The following SAMD12 variants were observed in gnomAD, a reference collection of about 807,000 sequenced individuals.
The protein encoded by SAMD12 is sterile alpha motif domain-containing protein 12.
Under a neutral mutation model 15.0 loss-of-function variants are expected in SAMD12, and 9 were observed. That is an observed-to-expected ratio of 0.60 (90% confidence interval 0.36 to 1.05). The LOEUF is 1.05. Among genes scored for constraint, SAMD12 ranks in the 50% least tolerant of loss-of-function variants. SAMD12 has a pLI of 0.01. For synonymous variants in SAMD12, 86 were observed against 90.1 expected, an observed-to-expected ratio of 0.96 and a Z score of 0.25; for missense variants, 230 against 234.2, an observed-to-expected ratio of 0.98 and a Z score of 0.12.
intron 4 of SAMD12, among the ~76,000 whole-genome samples, chr8:118,220,009 G>T (rs1476126017): frequency 3.9e-5 from 6 of 152,202 alleles, no homozygotes; most frequent in Non-Finnish European, 7.3e-5. Flanking sequence ...TTACCTGAAT[G>T]ATATCCTTAT....
At chr8:118,548,993 G>C (rs566922778) in intron 2 of SAMD12, among the ~76,000 whole-genome samples, 46 of 152,380 alleles carry the variant, frequency 3.0e-4, no homozygotes, top group African/African-American at 7.9e-4. Flanking sequence ...CCGCCATTGC[G>C]CAGGCTTGCT....
chr8:118,558,415 TTTAGAATTG>T (rs1826606180), intron 2 of SAMD12, among the ~76,000 whole-genome samples: 1 of 152,212 alleles, frequency 6.6e-6, no homozygotes, highest in African/African-American at 2.4e-5. Flanking sequence ...TGTATGGAAC[TTTAGAATTG>T]TTACATCTTA....
the SAMD12 span, among the ~76,000 whole-genome samples, chr8:118,131,844 C>A: frequency 6.6e-6 from 1 of 152,192 alleles, no homozygotes; most frequent in Non-Finnish European, 1.5e-5. Flanking sequence ...AAGCTTCCGA[C>A]AAGTTTTATT....
chr8:118,330,577 C>T (rs1289898583), intron 4 of SAMD12, among the ~76,000 whole-genome samples: 1 of 152,090 alleles, frequency 6.6e-6, no homozygotes, highest in East Asian at 1.9e-4. Flanking sequence ...AAGAGAAATA[C>T]AAAAGTTTAA....
At chr8:118,257,311 A>C (rs990484574) in intron 4 of SAMD12, among the ~76,000 whole-genome samples, 6 of 152,114 alleles carry the variant, frequency 3.9e-5, no homozygotes, top group Non-Finnish European at 5.9e-5. Context: ...ATAATAAAAA[A>C]AGAACCATTA....
chr8:118,516,350 A>G (rs1825243620), intron 2 of SAMD12, among the ~76,000 whole-genome samples: 1 of 152,226 alleles, frequency 6.6e-6, no homozygotes, highest in Non-Finnish European at 1.5e-5. Flanking sequence ...GGCTATTGTG[A>G]TGATATCTCA....
intron 2 of SAMD12, among the ~76,000 whole-genome samples, chr8:118,486,238 C>T (rs1412957250): frequency 6.7e-6 from 1 of 150,106 alleles, no homozygotes; most frequent in East Asian, 2.0e-4. Flanking sequence ...CACGGTGAAA[C>T]TCCGTCTCTA....
the SAMD12 span, among the ~76,000 whole-genome samples, chr8:118,164,252 G>C: frequency 6.6e-6 from 1 of 152,200 alleles, no homozygotes; most frequent in Non-Finnish European, 1.5e-5. Context: ...AAGTGAGTGA[G>C]AGAAATGTGA....
intron 3 of SAMD12, among the ~76,000 whole-genome samples, chr8:118,391,097 T>G (rs1387624713): frequency 6.6e-6 from 1 of 152,154 alleles, no homozygotes; most frequent in Non-Finnish European, 1.5e-5. Context: ...TCTACAGCGT[T>G]TGTTAGTACA....
At chr8:118,497,199 C>T (rs1165009244) in intron 2 of SAMD12, among the ~76,000 whole-genome samples, 2 of 152,136 alleles carry the variant, frequency 1.3e-5, no homozygotes, top group Admixed American at 6.6e-5. Context: ...TACCATTGGA[C>T]CCAGCAATCC....
At chr8:118,343,357 T>C (rs1356526852) in intron 4 of SAMD12, among the ~76,000 whole-genome samples, 1 of 149,274 alleles carries the variant, frequency 6.7e-6, no homozygotes, top group African/African-American at 2.5e-5. Flanking sequence ...TAAAAGGTAG[T>C]TTTGGAGGGG....
intron 1 of SAMD12, among the ~76,000 whole-genome samples, chr8:118,613,253 AGAGT>A (rs1365774464): frequency 1.3e-5 from 2 of 152,264 alleles, no homozygotes; most frequent in Non-Finnish European, 2.9e-5. Flanking sequence ...AAATCATGAA[AGAGT>A]GAGAAAGGAA....
intron 2 of SAMD12, among the ~76,000 whole-genome samples, chr8:118,530,523 T>C (rs958015165): frequency 6.6e-6 from 1 of 152,152 alleles, no homozygotes; most frequent in Admixed American, 6.5e-5. Context: ...GCCCACTTTT[T>C]AATAGGGTTA....
At chr8:118,213,739 G>A (rs994184137) in intron 4 of SAMD12, among the ~76,000 whole-genome samples, 6 of 152,126 alleles carry the variant, frequency 3.9e-5, no homozygotes, top group Non-Finnish European at 7.4e-5. Context: ...CTGGAAGACA[G>A]CCTAGATCTG....
chr8:118,444,972 G>T (rs1822868163), intron 2 of SAMD12, among the ~76,000 whole-genome samples: 1 of 152,206 alleles, frequency 6.6e-6, no homozygotes, highest in African/African-American at 2.4e-5. Flanking sequence ...GCAGGGCAAA[G>T]TGAGCTTTAT....
rs1818603800 is a variant in SAMD12, at chr8:118,363,416, C to T, written c.433+16144G>A. 2.0e-5 allele frequency among the ~76,000 whole-genome samples: 3 copies of T among 152,186 alleles called. No individual in the cohort carries two copies. The South Asian group carries it at 6.2e-4, about 32-fold the overall frequency. ...GGCCTGAATAAAACAAAAAGGCTGG[C>T]CTTCCCAGGAGTAAGAGTAAGAGGG... On this transcript the variant is annotated intron_variant, in intron 4 of 4. Coordinates refer to the SAMD12 transcript ENST00000409003.
exon 5 of SAMD12, chr8:118,189,836 G>T (rs929032534): frequency 6.6e-6 from 1 of 150,880 alleles, no homozygotes; most frequent in African/African-American, 2.4e-5. Context: ...TGCCCTGGAA[G>T]CCAGGAAACT....
intron 2 of SAMD12, among the ~76,000 whole-genome samples, chr8:118,525,972 C>G (rs562088694): frequency 6.6e-6 from 1 of 152,212 alleles, no homozygotes; most frequent in South Asian, 2.1e-4. Context: ...TTATAAATAC[C>G]AAAGAATCTA....
rs4053452 is a variant in SAMD12, at chr8:118,321,144, AATATATATATATATATATATAT to A, written c.433+58394_433+58415del. On this transcript the variant is annotated intron_variant, in intron 4 of 4. Transcript: ENST00000409003. ...TATAACATATATATCATAGATAATA[AATATATATATATATATATATAT>A]ATATATATATATATATATATTCTTC... Among the ~76,000 whole-genome samples, 96 of 94,494 alleles carry A rather than the reference AATATATATATATATATATATAT, an allele frequency of 1.0e-3. 4 individuals carry two copies. The highest frequency in any genetic ancestry group is 3.0e-3 in the African/African-American group (73 of 24,680). The allele number at this position is 94,494 out of a possible 152,430, so 62.0% of individuals were successfully genotyped here.
Sources: gnomAD v4.1 joint callset for allele counts (sites outside exome capture counted in the v4.1 genomes callset) on GRCh38, gnomAD v4.1.1 for gene constraint, MANE v1.5 for transcripts, NCBI Gene and HGNC (gene_info 2026-07-23, HGNC 2026-07-21) for gene names.